MFN1: variants seen among roughly 807,000 people sequenced by gnomAD.
MFN1 encodes the protein mitofusin-1.
A neutral mutation model predicts 92.4 loss-of-function variants in MFN1; 65 were observed. That is an observed-to-expected ratio of 0.70 (90% CI 0.58 to 0.86). The LOEUF is 0.86. Among genes scored for constraint, MFN1 ranks in the 40% least tolerant of loss-of-function variants. MFN1 has a pLI of 0.00. For synonymous variants in MFN1, 297 were observed against 300.9 expected (o/e 0.99, Z 0.13); for missense variants, 781 against 868.0 (o/e 0.90, Z 1.26).
intron 3 of MFN1, among the ~76,000 whole-genome samples, chr3:179,358,433 G>A (rs535995103): frequency 1.4e-3 from 209 of 152,248 alleles, no homozygotes; most frequent in African/African-American, 4.6e-3. Context: ...GATTACAGGC[G>A]TGAGCCACTG....
Position 179,362,412 on chromosome 3 carries a change from T to G in MFN1, c.466T>G (p.Cys156Gly). ...LHMDKDLKAGCLVRVFWPKAK... is the reference protein window; with the variant it reads ...LHMDKDLKAGGLVRVFWPKAK... ...CATGGACAAAGATTTGAAAGCTGGC[T>G]GTCTTGTACGTGTGTTTTGGCCAAA... Residue 156 changes from cysteine to glycine, a missense_variant, in exon 5 of 18, where the codon TGT (cysteine) becomes GGT (glycine). Cys to Gly is a radical substitution (Grantham distance 159). Transcript: ENST00000471841. 1 of 1,613,682 alleles carries G rather than the reference T, an allele frequency of 6.2e-7. No homozygotes were observed. The highest frequency in any genetic ancestry group is 1.7e-5 in the Admixed American group (1 of 60,028).
intron 3 of MFN1, among the ~76,000 whole-genome samples, chr3:179,358,156 T>TTG (rs1712419447): frequency 1.4e-5 from 2 of 147,886 alleles, no homozygotes; most frequent in African/African-American, 5.0e-5. Context: ...TTTTGTTTTT[T>TTG]TTTTTTTTTT....
At chr3:179,384,570 AT>A (rs780160788) in intron 14 of MFN1, among the ~76,000 whole-genome samples, 19 of 152,176 alleles carry the variant, frequency 1.2e-4, no homozygotes, top group Non-Finnish European at 2.2e-4. Context: ...ATTTCCAAAT[AT>A]GTTTCTTTAT....
chr3:179,377,360 CAG>C lies in MFN1; in HGVS notation c.1243_1244del (p.Asp415Ter). 6.2e-7 allele frequency: 1 copy of C among 1,608,064 alleles called. No homozygotes were observed. The highest frequency in any genetic ancestry group is 8.5e-7 in the Non-Finnish European group (1 of 1,177,626). On this transcript the variant is annotated frameshift_variant, in exon 12 of 18. Coordinates refer to ENST00000471841, the MANE Select transcript of MFN1 (RefSeq NM_033540.3). LOFTEE classifies it high-confidence loss of function. The stretch of plus-strand genomic sequence containing the variant: ...TATTTTCAGGTTTCATGTGCAATGA[CAG>C]ATGAAATTTGTCGACTGTCTGTTTT...
rs1192229097 is a variant in MFN1, at chr3:179,394,887, A to C, written c.*2828A>C. On this transcript the variant is annotated 3_prime_UTR_variant, in exon 18 of 18. Coordinates refer to ENST00000471841, the MANE Select transcript of MFN1 (RefSeq NM_033540.3). ...AATCTTTTTACAAAAATTTTTTTTC[A>C]GTATGCAAGCTTGCAAGATGAAAAT... The C allele has an allele frequency of 6.6e-6, 1 of 152,224 alleles. No individual in the cohort carries two copies. Among genetic ancestry groups the C allele is most frequent in the Admixed American group, 6.5e-5 (1 of 15,286 alleles). The allele number at this position is 152,224 out of a possible 1,614,324, so 9.4% of individuals were successfully genotyped here.
At position 179,366,240 on chromosome 3, in the gene MFN1, A is replaced by AC. The variant is rs1349290024; in HGVS notation, c.753+1015_753+1016insC. 3.3e-5 allele frequency among the ~76,000 whole-genome samples: 5 copies of AC among 152,298 alleles called. No homozygotes were observed. The East Asian group carries it at 9.7e-4, about 29-fold the overall frequency. ...GCAGACGTCAGTAAACCATGGGTAT[A>AC]TGTACTTAGAGGTAAAACTGCTAGA... is the stretch of plus-strand genomic sequence containing the variant. On this transcript the variant is annotated intron_variant, in intron 7 of 17. Coordinates refer to ENST00000471841, the MANE Select transcript of MFN1 (RefSeq NM_033540.3).
At chr3:179,351,797 A>T in intron 2 of MFN1, 103 bp from the exon 3 acceptor site, 1 of 1,094,588 alleles carries the variant, frequency 9.1e-7, no homozygotes, top group Non-Finnish European at 1.3e-6. Context: ...TGTGGGTGGC[A>T]TGTTAACATA....
Position 179,378,361 on chromosome 3 carries a change from G to C in MFN1, c.1350G>C (p.Glu450Asp). The part of the protein sequence containing the change: ...IYKSELNKHI[E>D]DGMGRNLADR... Reference sequence around the variant, plus strand: ...AACAGGAATTAAATAAGCACATAGAGGATGGTATGGGAAGAAATTTGGCTG... The same window carrying C: ...AACAGGAATTAAATAAGCACATAGACGATGGTATGGGAAGAAATTTGGCTG... Residue 450 changes from glutamate (E) to aspartate (D), a missense_variant, in exon 13 of 18, where the codon GAG becomes GAC. Coordinates refer to ENST00000471841, the MANE Select transcript of MFN1 (RefSeq NM_033540.3). The C allele has an allele frequency of 6.2e-7, 1 of 1,603,028 alleles. No individual in the cohort carries two copies. The highest frequency in any genetic ancestry group is 8.5e-7 in the Non-Finnish European group (1 of 1,176,866).
chr3:179,362,822 C>G (rs1308414817), intron 5 of MFN1, among the ~76,000 whole-genome samples: 1 of 152,192 alleles, frequency 6.6e-6, no homozygotes, highest in Non-Finnish European at 1.5e-5. Context: ...TACAGACACA[C>G]ACCAGCCACC....
chr3:179,385,705 T>G lies in MFN1; in HGVS notation c.1799T>G (p.Ile600Ser), dbSNP rs767819387. 5.0e-6 allele frequency: 8 copies of G among 1,612,846 alleles called. No homozygotes were observed. Among genetic ancestry groups the G allele is most frequent in the Non-Finnish European group, 6.8e-6 (8 of 1,179,726 alleles). ...SVTSRTSMGI[I>S]IVGGVIWKTI... Reference sequence around the variant, plus strand: ...ACATCTAGAACTTCTATGGGCATCATTATTGTTGGAGGAGTGGTAAGAAAC... The same window carrying G: ...ACATCTAGAACTTCTATGGGCATCAGTATTGTTGGAGGAGTGGTAAGAAAC... The change falls in exon 15 of 18, where the codon ATT becomes AGT. Residue 600 changes from isoleucine (I) to serine (S), a missense_variant. By Grantham distance (142) the Ile-to-Ser change is moderately radical. Coordinates refer to ENST00000471841, the MANE Select transcript of MFN1 (RefSeq NM_033540.3).
intron 9 of MFN1, among the ~76,000 whole-genome samples, chr3:179,369,735 T>A (rs532455300): frequency 6.6e-6 from 1 of 152,310 alleles, no homozygotes; most frequent in African/African-American, 2.4e-5. Context: ...TAGGAATCTA[T>A]ATACATATAT....
intron 3 of MFN1, among the ~76,000 whole-genome samples, chr3:179,354,316 C>T (rs1289583073): frequency 1.3e-5 from 2 of 152,066 alleles, no homozygotes; most frequent in Non-Finnish European, 2.9e-5. Flanking sequence ...TAAGGTGTTA[C>T]GAAACAATAG....
chr3:179,392,243 C>T lies in MFN1; in HGVS notation c.*184C>T. 1 of 426,256 alleles carries T rather than the reference C, an allele frequency of 2.3e-6. No individual in the cohort carries two copies. Among genetic ancestry groups the T allele is most frequent in the Non-Finnish European group, 4.2e-6 (1 of 236,892 alleles). The allele number at this position is 426,256 out of a possible 1,614,324, so 26.4% of individuals were successfully genotyped here. A position where few individuals can be genotyped will look rare whatever the true frequency, so the allele number is the denominator to read the frequency against. On this transcript the variant is annotated 3_prime_UTR_variant, in exon 18 of 18. Transcript: ENST00000471841. ...TGTGTATTTTTGAAGAGTGTTATGT[C>T]CTTAGTTTTAATTTTGAGTAAAGAA...
intron 14 of MFN1, among the ~76,000 whole-genome samples, chr3:179,381,673 GCAACA>G (rs202074804): frequency 0.012 from 1,894 of 152,320 alleles, 22 homozygotes; most frequent in Middle Eastern, 0.065. Flanking sequence ...GGCTGACATA[GCAACA>G]CCTGTGTTTT....
intron 3 of MFN1, among the ~76,000 whole-genome samples, chr3:179,355,378 C>G (rs1351062771): frequency 1.3e-5 from 2 of 152,082 alleles, no homozygotes; most frequent in Non-Finnish European, 2.9e-5. Context: ...TCATTTTAAC[C>G]AGCCCCTGTT....
At chr3:179,385,996 C>T (rs1316486798) in intron 15 of MFN1, among the ~76,000 whole-genome samples, 2 of 152,248 alleles carry the variant, frequency 1.3e-5, no homozygotes, top group East Asian at 1.9e-4. Flanking sequence ...AATATTTGTA[C>T]GTTGAGGTAA....
chr3:179,364,954 G>GT (rs1010091959), intron 6 of MFN1, among the ~76,000 whole-genome samples, 164 bp from the exon 7 acceptor site: 2 of 152,096 alleles, frequency 1.3e-5, no homozygotes, highest in African/African-American at 4.8e-5. Context: ...AAAGTTATCA[G>GT]TTTTTTTCAT....
rs141413833 is a variant in MFN1 at position 179,354,652 on chromosome 3, A to G, written c.248+2617A>G. ...AAGGAATAAAGAATGGCTGCTGCAT[A>G]GGCAGATCAGTCCCGAGAACTGCTG... On this transcript the variant is annotated intron_variant, in intron 3 of 17. Transcript: ENST00000471841. Among the ~76,000 whole-genome samples the G allele has an allele frequency of 9.2e-3, 1,395 of 152,342 alleles. 10 individuals are homozygous for G. The highest frequency in any genetic ancestry group is 0.015 in the Non-Finnish European group (1,030 of 68,042).
In MFN1 at chr3:179,362,436, A is replaced by G; in HGVS notation, c.490A>G (p.Lys164Glu). ...AGCLVRVFWP[K>E]AKCALLRDDL... ...CTGTCTTGTACGTGTGTTTTGGCCA[A>G]AAGCAAAATGTGCCCTCTTGAGAGA... The change falls in exon 5 of 18, where the codon AAA (lysine) becomes GAA (glutamate). Residue 164 changes from lysine to glutamate, a missense_variant. Lys to Glu is a moderately conservative substitution (Grantham distance 56). Transcript: ENST00000471841. The G allele has an allele frequency of 6.2e-7, 1 of 1,613,972 alleles. No individual in the cohort carries two copies. Among genetic ancestry groups the G allele is most frequent in the Non-Finnish European group, 8.5e-7 (1 of 1,179,978 alleles).
Sources: gnomAD v4.1 joint callset for allele counts (sites outside exome capture counted in the v4.1 genomes callset) on GRCh38, gnomAD v4.1.1 for gene constraint, MANE v1.5 for transcripts, NCBI Gene and HGNC (gene_info 2026-07-23, HGNC 2026-07-21) for gene names.